The following TG variants were observed in gnomAD, a reference collection of about 807,000 sequenced individuals.
The protein encoded by TG is thyroglobulin.
TG carries 270 observed loss-of-function variants against 324.7 expected under a neutral mutation model. The observed-to-expected ratio is 0.83, with a 90% CI of 0.75 to 0.92. TG has a LOEUF of 0.92. TG is among the 40% of genes least tolerant of loss of function. The probability of loss-of-function intolerance (pLI) is 0.00; values close to 1 mark genes in which losing one functional copy is unlikely to be tolerated. For missense variants in TG, 3,591 were observed against 3,456.4 expected, an observed-to-expected ratio of 1.04 and a Z score of -0.98; for synonymous variants, 1,401 against 1,327.0, an observed-to-expected ratio of 1.06 and a Z score of -1.21.
chr8:132,918,752 A>G (rs918331268), intron 20 of TG, among the ~76,000 whole-genome samples: 12 of 152,182 alleles, frequency 7.9e-5, no homozygotes, highest in African/African-American at 2.9e-4. Context: ...TCTTATATGG[A>G]GATGATAACT....
Position 133,024,440 on chromosome 8 carries a change from A to G in TG, c.7036+2290A>G, listed in dbSNP as rs186841077. ...AAGTTCTGGGATACATGTGCAGAAC[A>G]TGCAGGTTTGTTCCATAGGTATACA... On this transcript the variant is annotated intron_variant, in intron 40 of 47. Coordinates refer to ENST00000220616, the MANE Select transcript of TG (RefSeq NM_003235.5). Among the ~76,000 whole-genome samples, 570 of 149,410 alleles carry G rather than the reference A, an allele frequency of 3.8e-3. 6 individuals carry two copies. The highest frequency in any genetic ancestry group is 0.013 in the African/African-American group (540 of 40,326).
chr8:132,880,849 T>C lies in TG; in HGVS notation c.639-1014T>C, dbSNP rs1422951862. Reference sequence around the variant, plus strand: ...AATTTTTAAGCATTGTCCTCAATCATAGCATTTTATTATATTTAGGGCATT... The same window carrying C: ...AATTTTTAAGCATTGTCCTCAATCACAGCATTTTATTATATTTAGGGCATT... On this transcript the variant is annotated intron_variant, in intron 5 of 47. Coordinates refer to ENST00000220616, the MANE Select transcript of TG (RefSeq NM_003235.5). Among the ~76,000 whole-genome samples, 6 of 152,238 alleles carry C rather than the reference T, an allele frequency of 3.9e-5. No individual in the cohort carries two copies. The East Asian group carries it at 1.2e-3, about 29-fold the overall frequency.
chr8:133,091,465 C>T (rs1027371844), intron 41 of TG, among the ~76,000 whole-genome samples: 5 of 152,174 alleles, frequency 3.3e-5, no homozygotes, highest in African/African-American at 1.2e-4. Flanking sequence ...GCTGCCCACC[C>T]CGCTTCTTGT....
chr8:133,021,907 C>T, intron 39 of TG, 84 bp from the exon 40 acceptor site: 3 of 1,559,016 alleles, frequency 1.9e-6, no homozygotes, highest in Non-Finnish European at 2.6e-6. Flanking sequence ...CCAGAGGAGT[C>T]CTGTGTCAAC....
intron 41 of TG, among the ~76,000 whole-genome samples, chr8:133,090,961 G>T (rs911150188): frequency 1.3e-5 from 2 of 152,110 alleles, no homozygotes; most frequent in African/African-American, 4.8e-5. Context: ...TGCAGCCTAG[G>T]CTCAAATCCT....
At chr8:132,945,889 T>C (rs1825194312) in intron 26 of TG, among the ~76,000 whole-genome samples, 1 of 152,108 alleles carries the variant, frequency 6.6e-6, no homozygotes, top group African/African-American at 2.4e-5. Context: ...TCACAGTGGT[T>C]GAGGTGGCTA....
intron 5 of TG, among the ~76,000 whole-genome samples, chr8:132,876,937 C>T (rs1025970709): frequency 2.6e-5 from 4 of 152,160 alleles, no homozygotes; most frequent in Non-Finnish European, 5.9e-5. Context: ...CCTTAGCCAC[C>T]CATGCTACCC....
chr8:132,993,090 G>T (rs1379713506), intron 35 of TG, among the ~76,000 whole-genome samples: 3 of 152,202 alleles, frequency 2.0e-5, no homozygotes, highest in Non-Finnish European at 4.4e-5. Context: ...GTAATTCATG[G>T]TTGGGTTCTT....
chr8:132,882,341 G>C, intron 6 of TG, 128 bp from the exon 7 acceptor site: 1 of 1,124,302 alleles, frequency 8.9e-7, no homozygotes, highest in South Asian at 1.2e-5. Flanking sequence ...AACTGTTAAA[G>C]TGTTGTTCAG....
chr8:133,102,488 ATACCACCCCAGGCCACC>A, intron 43 of TG: 1 of 1,468,180 alleles, frequency 6.8e-7, no homozygotes, highest in Non-Finnish European at 9.3e-7. Flanking sequence ...CCTCCCCCAC[ATACCACCCCAGGCCACC>A]TATGGCCCAC....
chr8:132,999,080 C>T (rs73359310), intron 35 of TG, among the ~76,000 whole-genome samples: 3,251 of 152,206 alleles, frequency 0.021, 122 homozygotes, highest in African/African-American at 0.074. Context: ...GGGGACATTA[C>T]AGTCATGGTA....
chr8:133,098,895 A>G (rs1848837290), intron 43 of TG, among the ~76,000 whole-genome samples: 1 of 152,200 alleles, frequency 6.6e-6, no homozygotes, highest in Non-Finnish European at 1.5e-5. Context: ...CCCTGGTTCA[A>G]GCACGGTCCC....
In TG at chr8:133,113,481, G is replaced by A; in HGVS notation, c.7632G>A (p.Gln2544=). 1 of 1,614,002 alleles carries A rather than the reference G, an allele frequency of 6.2e-7. No individual in the cohort carries two copies. The highest frequency in any genetic ancestry group is 1.1e-5 in the South Asian group (1 of 91,072). The change falls in exon 44 of 48, where the codon CAG becomes CAA. Residue 2544 remains glutamine (Q), a synonymous_variant. Coordinates refer to ENST00000220616, the MANE Select transcript of TG (RefSeq NM_003235.5). ...SSKTAFYQAL[Q]NSLGGEDSDA... is the part of the protein sequence containing the mutation. Reference sequence around the variant, plus strand: ...AAACAGCCTTTTACCAGGCACTGCAGAATTCTCTGGGTGGCGAGGACTCAG... The same window carrying A: ...AAACAGCCTTTTACCAGGCACTGCAAAATTCTCTGGGTGGCGAGGACTCAG...
chr8:132,990,915 G>GTT lies in TG; in HGVS notation c.6262+7521_6262+7522dup, dbSNP rs35213262. Among the ~76,000 whole-genome samples, 872 of 136,078 alleles carry GTT rather than the reference G, an allele frequency of 6.4e-3. 9 individuals carry two copies. The highest frequency in any genetic ancestry group is 0.011 in the African/African-American group (384 of 36,524). 89.3% of individuals were successfully genotyped at this position (136,078 alleles called of 152,430 possible). On this transcript the variant is annotated intron_variant, in intron 35 of 47. Coordinates refer to ENST00000220616, the MANE Select transcript of TG (RefSeq NM_003235.5). The stretch of plus-strand genomic sequence containing the variant: ...GAGATGAAGTTTAGTAGGAAGGCCA[G>GTT]TTTTTTTTTTTTTTTTTTTAGCAAA...
chr8:133,021,631 C>T (rs1305219725), intron 39 of TG, among the ~76,000 whole-genome samples: 2 of 152,238 alleles, frequency 1.3e-5, no homozygotes, highest in African/African-American at 4.8e-5. Flanking sequence ...CTGGTTCCTT[C>T]AGAGGCTCCT....
chr8:132,899,224 T>A (rs1587312981), intron 14 of TG, among the ~76,000 whole-genome samples: 1 of 152,250 alleles, frequency 6.6e-6, no homozygotes, highest in Non-Finnish European at 1.5e-5. Context: ...CATGCTATCA[T>A]GTTTTTCCTA....
chr8:133,129,197 C>A (rs1324121087), intron 45 of TG, among the ~76,000 whole-genome samples: 3 of 152,212 alleles, frequency 2.0e-5, no homozygotes, highest in Middle Eastern at 3.2e-3. Flanking sequence ...ATCAGCTCTG[C>A]TAAGGAAAAA....
chr8:132,887,560 G>A lies in TG; in HGVS notation c.2176+12G>A, dbSNP rs762200128. ...GAAGCCCAAGAAATGTAAGTCTGTTGGGTATTCAATCTGTAGGTTCCCTGA... is the reference window on the plus strand; with the variant it reads ...GAAGCCCAAGAAATGTAAGTCTGTTAGGTATTCAATCTGTAGGTTCCCTGA... On this transcript the variant is annotated intron_variant, in intron 9 of 47. Coordinates refer to ENST00000220616, the MANE Select transcript of TG (RefSeq NM_003235.5). 5.6e-6 allele frequency: 9 copies of A among 1,614,014 alleles called. No homozygotes were observed. The highest frequency in any genetic ancestry group is 5.9e-6 in the Non-Finnish European group (7 of 1,180,038).
intron 27 of TG, among the ~76,000 whole-genome samples, chr8:132,954,578 G>A (rs1826578691): frequency 1.3e-5 from 2 of 152,156 alleles, no homozygotes; most frequent in Admixed American, 6.5e-5. Flanking sequence ...TGCTGCAGAG[G>A]ACTTGGCTGA....
Sources: allele counts gnomAD v4.1 joint callset (sites outside exome capture counted in the v4.1 genomes callset), GRCh38; gene constraint gnomAD v4.1.1; transcripts MANE v1.5; gene names NCBI Gene and HGNC (gene_info 2026-07-23, HGNC 2026-07-21).